The following KAT2B variants were observed in gnomAD, a reference collection of about 807,000 sequenced individuals.
The protein encoded by KAT2B is lysine acetyltransferase 2B, also known as histone acetyltransferase KAT2B.
In KAT2B, 36 loss-of-function variants were observed where a neutral mutation model predicts 105.9. The observed-to-expected ratio is 0.34, with a 90% CI of 0.26 to 0.45. The LOEUF (loss-of-function observed/expected upper bound fraction) is 0.45, where lower values mean the gene tolerates loss of function less well. Ranked by LOEUF, KAT2B falls within the 20% of genes least tolerant of loss-of-function variation. The probability of loss-of-function intolerance (pLI) is 1.00; values close to 1 mark genes in which losing one functional copy is unlikely to be tolerated. For synonymous variants in KAT2B, 397 were observed against 377.9 expected (o/e 1.05, Z -0.59); for missense variants, 820 against 1,021.6 (o/e 0.80, Z 2.69).
At chr3:20,089,193 A>T (rs543786837) in intron 2 of KAT2B, among the ~76,000 whole-genome samples, 2 of 152,196 alleles carry the variant, frequency 1.3e-5, no homozygotes, top group African/African-American at 4.8e-5. Context: ...TTTGCTCAAG[A>T]TTGCTTTGGC....
chr3:20,095,834 C>G (rs933258870), intron 3 of KAT2B, among the ~76,000 whole-genome samples: 3 of 151,892 alleles, frequency 2.0e-5, no homozygotes, highest in African/African-American at 7.3e-5. Flanking sequence ...AAGTGTTGGC[C>G]GAAGAGAAAC....
intron 1 of KAT2B, among the ~76,000 whole-genome samples, chr3:20,064,603 T>A (rs1698193569): frequency 6.6e-6 from 1 of 152,210 alleles, no homozygotes; most frequent in Admixed American, 6.5e-5. Flanking sequence ...GCCAGTTACC[T>A]GCCTGGACAC....
intron 11 of KAT2B, among the ~76,000 whole-genome samples, chr3:20,134,574 A>G (rs1699568899): frequency 1.3e-5 from 2 of 152,006 alleles, no homozygotes; most frequent in Non-Finnish European, 2.9e-5. Context: ...ACGCCCAGCT[A>G]ATTTTTGTAT....
chr3:20,060,659 C>T (rs537689942), intron 1 of KAT2B, among the ~76,000 whole-genome samples: 1 of 151,968 alleles, frequency 6.6e-6, no homozygotes, highest in African/African-American at 2.4e-5. Context: ...CATGGTAGCT[C>T]ATGGCCTGTA....
In KAT2B at chr3:20,154,069, G is replaced by A. The variant is rs2125204478; in HGVS notation, c.*1544G>A. ...CTAATGAAGAATCATGATACAGTTT[G>A]GATTAAGTATCTTGGACTGGTTTTA... On this transcript the variant is annotated 3_prime_UTR_variant, in exon 18 of 18. Coordinates refer to ENST00000263754, the MANE Select transcript of KAT2B (RefSeq NM_003884.5). 1 of 152,666 alleles carries A rather than the reference G, an allele frequency of 6.6e-6. No individual in the cohort carries two copies. The highest frequency in any genetic ancestry group is 1.5e-5 in the Non-Finnish European group (1 of 68,000). 9.5% of individuals were successfully genotyped at this position (152,666 alleles called of 1,614,324 possible).
intron 1 of KAT2B, among the ~76,000 whole-genome samples, chr3:20,063,749 G>T (rs1313650132): frequency 6.6e-6 from 1 of 150,774 alleles, no homozygotes; most frequent in Non-Finnish European, 1.5e-5. Context: ...CACCATGTTG[G>T]CCAGGCTGGT....
chr3:20,143,813 T>A (rs1264595365), intron 13 of KAT2B, among the ~76,000 whole-genome samples: 1 of 152,158 alleles, frequency 6.6e-6, no homozygotes. Flanking sequence ...TTTTCTGTTA[T>A]AAGTGGGAGC....
At position 20,099,336 on chromosome 3, in the gene KAT2B, T is replaced by C. The variant is rs571675327; in HGVS notation, c.577-526T>C. Among the ~76,000 whole-genome samples, 122 of 152,330 alleles carry C rather than the reference T, an allele frequency of 8.0e-4. 1 individual carries two copies. The highest frequency in any genetic ancestry group is 1.5e-3 in the Non-Finnish European group (100 of 68,032). ...CCTAAAGAGCCTGTGCCCTAGATGA[T>C]GCGTATGCCGTGCAGCTGCTGTAGA... On this transcript the variant is annotated intron_variant, in intron 3 of 17. Transcript: ENST00000263754.
At chr3:20,067,241 G>T (rs2125177553) in intron 1 of KAT2B, among the ~76,000 whole-genome samples, 1 of 152,286 alleles carries the variant, frequency 6.6e-6, no homozygotes, top group African/African-American at 2.4e-5. Context: ...ACATTTTTAA[G>T]CATCAGTGTT....
chr3:20,102,690 A>G (rs1575134729), intron 5 of KAT2B, among the ~76,000 whole-genome samples: 1 of 152,238 alleles, frequency 6.6e-6, no homozygotes, highest in Admixed American at 6.5e-5. Flanking sequence ...CATACAAAAT[A>G]TAAGGACCTA....
At chr3:20,133,387 C>T (rs1046301687) in intron 11 of KAT2B, among the ~76,000 whole-genome samples, 4 of 151,560 alleles carry the variant, frequency 2.6e-5, no homozygotes, top group African/African-American at 9.7e-5. Context: ...TGAATATTTA[C>T]ATCCTTGGTT....
chr3:20,125,951 T>A lies in KAT2B; in HGVS notation c.1460T>A (p.Leu487Ter). The A allele has an allele frequency of 6.2e-7, 1 of 1,614,030 alleles. No individual in the cohort carries two copies. The highest frequency in any genetic ancestry group is 8.5e-7 in the Non-Finnish European group (1 of 1,179,948). The change falls in exon 10 of 18, where the codon TTG becomes TAG. Residue 487 changes from leucine to a stop codon, truncating the protein, a stop_gained. Transcript: ENST00000263754. LOFTEE classifies it high-confidence loss of function. ...TCGGCCAGGGATGAGGCGGCAAGGTTGGAAGAGCGCAGGGGTGTAATTGAA... is the reference window on the plus strand; with the variant it reads ...TCGGCCAGGGATGAGGCGGCAAGGTAGGAAGAGCGCAGGGGTGTAATTGAA... The part of the protein sequence containing the change: ...AHSARDEAAR[L>*]EERRGVIEFH...
intron 5 of KAT2B, among the ~76,000 whole-genome samples, chr3:20,109,283 CAGAT>C (rs111929078): frequency 0.12 from 17,165 of 149,184 alleles, 1,697 homozygotes; most frequent in African/African-American, 0.27. Flanking sequence ...CCCTCAGCCC[CAGAT>C]AGATAGATAG....
At chr3:20,040,819 G>T in intron 1 of KAT2B, 39 bp downstream of exon 1, 1 of 1,547,692 alleles carries the variant, frequency 6.5e-7, no homozygotes. Context: ...ATGGGTGCTA[G>T]GGGCCCAGCC....
At chr3:20,109,736 C>T (rs1431699339) in intron 5 of KAT2B, among the ~76,000 whole-genome samples, 1 of 152,096 alleles carries the variant, frequency 6.6e-6, no homozygotes, top group African/African-American at 2.4e-5. Context: ...AATAAATGCA[C>T]TTTATAATTT....
At chr3:20,068,407 C>G (rs1004764717) in intron 1 of KAT2B, among the ~76,000 whole-genome samples, 2 of 149,976 alleles carry the variant, frequency 1.3e-5, no homozygotes, top group Non-Finnish European at 3.0e-5. Flanking sequence ...GCTGTGTTTC[C>G]CTTATACTAG....
intron 11 of KAT2B, among the ~76,000 whole-genome samples, chr3:20,131,165 G>T (rs529714814): frequency 6.6e-6 from 1 of 151,838 alleles, no homozygotes; most frequent in South Asian, 2.1e-4. Context: ...ACAGGTGTCA[G>T]CCACCATGCC....
At chr3:20,040,854 C>A in intron 1 of KAT2B, 74 bp downstream of exon 1, 1 of 1,444,184 alleles carries the variant, frequency 6.9e-7, no homozygotes. Flanking sequence ...CCCCCTCCCG[C>A]TTCCACCTCC....
intron 1 of KAT2B, among the ~76,000 whole-genome samples, chr3:20,064,170 T>A (rs1027908921): frequency 9.2e-5 from 14 of 152,172 alleles, no homozygotes; most frequent in Admixed American, 9.2e-4. Flanking sequence ...GCCTGATAAT[T>A]TGTTATTGTC....
Sources: allele counts gnomAD v4.1 joint callset (sites outside exome capture counted in the v4.1 genomes callset), GRCh38; gene constraint gnomAD v4.1.1; transcripts MANE v1.5; gene names NCBI Gene and HGNC (gene_info 2026-07-23, HGNC 2026-07-21).